The following EIF2AK4 variants were observed in gnomAD, a reference collection of about 807,000 sequenced individuals.
The protein encoded by EIF2AK4 is eukaryotic translation initiation factor 2 alpha kinase 4, also known as eIF-2-alpha kinase GCN2.
EIF2AK4 carries 139 observed loss-of-function variants against 211.1 expected under a neutral mutation model. That is an observed-to-expected ratio of 0.66 (90% CI 0.57 to 0.76). EIF2AK4 has a LOEUF of 0.76. EIF2AK4 is among the 30% of genes least tolerant of loss of function. The probability of loss-of-function intolerance (pLI) is 0.00; values close to 1 mark genes in which losing one functional copy is unlikely to be tolerated. For synonymous variants in EIF2AK4, 710 were observed against 751.3 expected, an observed-to-expected ratio of 0.94 and a Z score of 0.90; for missense variants, 1,664 against 2,043.8, an observed-to-expected ratio of 0.81 and a Z score of 3.58.
chr15:40,035,226 T>C lies in EIF2AK4; in HGVS notation c.*142T>C. On this transcript the variant is annotated 3_prime_UTR_variant, in exon 39 of 39. Transcript: ENST00000263791. ...GGCTCACACCTTTAATCCCAGCACT[T>C]TGGGAAGCCAAGGCAGGAAGACTGC... is the stretch of plus-strand genomic sequence containing the variant. 2 of 565,770 alleles carry C rather than the reference T, an allele frequency of 3.5e-6. No homozygotes were observed. Among genetic ancestry groups the C allele is most frequent in the South Asian group, 4.9e-5 (1 of 20,558 alleles). 35.0% of individuals were successfully genotyped at this position (565,770 alleles called of 1,614,324 possible).
chr15:39,971,830 A>C (rs1196472334), intron 9 of EIF2AK4, among the ~76,000 whole-genome samples: 1 of 152,188 alleles, frequency 6.6e-6, no homozygotes, highest in Non-Finnish European at 1.5e-5. Flanking sequence ...GCTCTTGTTA[A>C]AGCACAGATC....
At chr15:40,020,705 A>T in intron 30 of EIF2AK4, 194 bp from the exon 31 acceptor site, 1 of 349,026 alleles carries the variant, frequency 2.9e-6, no homozygotes, top group Non-Finnish European at 5.1e-6. Context: ...AAAAAGAAAA[A>T]GTTGTTTGAG....
In EIF2AK4 at chr15:40,032,739, ATT is replaced by A. The variant is rs752840029; in HGVS notation, c.4729-16_4729-15del. 6.2e-6 allele frequency: 10 copies of A among 1,611,954 alleles called. No homozygotes were observed. The African/African-American group carries it at 1.3e-4, about 22-fold the overall frequency. On this transcript the variant is annotated splice_polypyrimidine_tract_variant and intron_variant, in intron 36 of 38. Transcript: ENST00000263791. ...ATTGTGCTGCTGAGAGTTGATGTAC[ATT>A]TGTGTGTATTCACAGGTGGATCTAC...
chr15:39,957,342 T>G (rs370615778), intron 6 of EIF2AK4, among the ~76,000 whole-genome samples: 1 of 152,122 alleles, frequency 6.6e-6, no homozygotes, highest in South Asian at 2.1e-4. Context: ...ATGCCAAGGC[T>G]GAAGGATCAC....
intron 30 of EIF2AK4, 72 bp from the exon 31 acceptor site, chr15:40,020,827 T>A (rs2140945381): frequency 7.2e-7 from 1 of 1,396,406 alleles, no homozygotes; most frequent in Non-Finnish European, 9.6e-7. Context: ...CTGCCTCCCC[T>A]CCTGATGCTG....
rs1315851523 is a variant in EIF2AK4, at chr15:40,032,754, C to A, written c.4729-3C>A. On this transcript the variant is annotated splice_region_variant and splice_polypyrimidine_tract_variant and intron_variant, in intron 36 of 38. Coordinates refer to ENST00000263791, the MANE Select transcript of EIF2AK4 (RefSeq NM_001013703.4). ...GTTGATGTACATTTGTGTGTATTCA[C>A]AGGTGGATCTACCCAAAGAAACAAT... 2 of 1,613,356 alleles carry A rather than the reference C, an allele frequency of 1.2e-6. No individual in the cohort carries two copies. The highest frequency in any genetic ancestry group is 2.7e-5 in the African/African-American group (2 of 74,888).
At chr15:39,983,157 C>T (rs2034817586) in intron 13 of EIF2AK4, among the ~76,000 whole-genome samples, 2 of 152,250 alleles carry the variant, frequency 1.3e-5, no homozygotes, top group South Asian at 2.1e-4. Flanking sequence ...TTTACACTCC[C>T]ACCAGTAGTG....
intron 1 of EIF2AK4, among the ~76,000 whole-genome samples, chr15:39,937,262 C>T (rs935788220): frequency 2.6e-5 from 4 of 152,264 alleles, no homozygotes; most frequent in Non-Finnish European, 5.9e-5. Context: ...TTTCCTTTAT[C>T]TTCAACAATA....
intron 26 of EIF2AK4, among the ~76,000 whole-genome samples, chr15:40,010,958 C>T (rs554677384): frequency 3.2e-4 from 48 of 152,316 alleles, no homozygotes; most frequent in African/African-American, 1.1e-3. Flanking sequence ...GTTAGGGGAG[C>T]CCAGAGCAAA....
chr15:39,964,245 G>A (rs2034512585), intron 7 of EIF2AK4, among the ~76,000 whole-genome samples: 1 of 152,156 alleles, frequency 6.6e-6, no homozygotes, highest in South Asian at 2.1e-4. Flanking sequence ...GTATATGCAG[G>A]TTACTTCACC....
intron 13 of EIF2AK4, among the ~76,000 whole-genome samples, chr15:39,982,499 A>G (rs2034804959): frequency 6.6e-6 from 1 of 152,222 alleles, no homozygotes; most frequent in Admixed American, 6.5e-5. Flanking sequence ...TACTGGAAAT[A>G]GCACATTTTC....
rs750810259 is a variant in EIF2AK4 at position 40,034,310 on chromosome 15, T to C, written c.4774-16T>C. On this transcript the variant is annotated splice_polypyrimidine_tract_variant and intron_variant, in intron 37 of 38. Transcript: ENST00000263791. The stretch of plus-strand genomic sequence containing the variant: ...CCTAGAGACCTGTTGTTAAGTCTTA[T>C]CTATTTTTTTCCTAGTGGGATGCTG... 1.0e-5 allele frequency: 16 copies of C among 1,607,052 alleles called. No individual in the cohort carries two copies. The highest frequency in any genetic ancestry group is 3.4e-5 in the Admixed American group (2 of 59,686).
chr15:39,990,508 T>C lies in EIF2AK4; in HGVS notation c.2631+131T>C, dbSNP rs2034928956. 10 of 742,616 alleles carry C rather than the reference T, an allele frequency of 1.3e-5. No individual in the cohort carries two copies. In the South Asian group the frequency reaches 1.6e-4, roughly 12 times the overall value. The allele number at this position is 742,616 out of a possible 1,614,324, so 46.0% of individuals were successfully genotyped here. ...TAATCCTCAGGAGATTATACAAACC[T>C]GAAGGGGTATGCTGCAAATGATCTT... On this transcript the variant is annotated intron_variant, in intron 16 of 38. Transcript: ENST00000263791.
At position 39,965,790 on chromosome 15, in the gene EIF2AK4, G is replaced by T; in HGVS notation, c.964G>T (p.Gly322Cys). The change falls in exon 8 of 39, where the codon GGT (glycine) becomes TGT (cysteine). Residue 322 changes from glycine (G) to cysteine (C), a missense_variant. Gly to Cys is a radical substitution (Grantham distance 159). This residue lies in a region of EIF2AK4 where 641 missense variants were observed against 729.6 expected (regional missense o/e 0.88). Coordinates refer to ENST00000263791, the MANE Select transcript of EIF2AK4 (RefSeq NM_001013703.4). ...GGTCCTTCAGTGGCAGAAAAAAATG[G>T]GTCCATTCCTTACCAGTCAAGAAAA... ...EWVLQWQKKM[G>C]PFLTSQEKEK... is the part of the protein sequence containing the mutation. The T allele has an allele frequency of 6.2e-7, 1 of 1,614,024 alleles. No individual in the cohort carries two copies. Among genetic ancestry groups the T allele is most frequent in the Non-Finnish European group, 8.5e-7 (1 of 1,179,944 alleles).
intron 20 of EIF2AK4, among the ~76,000 whole-genome samples, chr15:39,999,743 A>G (rs932635326): frequency 1.3e-5 from 2 of 152,180 alleles, no homozygotes; most frequent in African/African-American, 4.8e-5. Flanking sequence ...TTAGAAATAC[A>G]TTGAGTCATG....
intron 23 of EIF2AK4, among the ~76,000 whole-genome samples, chr15:40,004,586 G>A (rs562334910): frequency 6.6e-6 from 1 of 152,294 alleles, no homozygotes; most frequent in African/African-American, 2.4e-5. Context: ...GCTCGTGCCT[G>A]TGGTCTCAGC....
At chr15:39,942,774 GT>G (rs2034164576) in intron 2 of EIF2AK4, among the ~76,000 whole-genome samples, 1 of 152,178 alleles carries the variant, frequency 6.6e-6, no homozygotes, top group Admixed American at 6.5e-5. Context: ...TTTCCACCTG[GT>G]TTCGATCAGA....
intron 23 of EIF2AK4, among the ~76,000 whole-genome samples, 171 bp downstream of exon 23, chr15:40,003,485 T>C (rs1450890243): frequency 6.6e-6 from 1 of 152,222 alleles, no homozygotes; most frequent in Admixed American, 6.5e-5. Context: ...AGGAAATGTT[T>C]GGTCCTGAAT....
intron 6 of EIF2AK4, among the ~76,000 whole-genome samples, chr15:39,960,143 G>A (rs570169305): frequency 1.7e-3 from 232 of 137,752 alleles, no homozygotes; most frequent in African/African-American, 6.0e-3. Flanking sequence ...CAGCCTGGGC[G>A]ACAGAGCGAG....
Sources: allele counts gnomAD v4.1 joint callset (sites outside exome capture counted in the v4.1 genomes callset), GRCh38; gene constraint gnomAD v4.1.1; regional missense constraint gnomAD v4.1.1; transcripts MANE v1.5; gene names NCBI Gene and HGNC (gene_info 2026-07-23, HGNC 2026-07-21).